EPB41L4A: variants seen among roughly 807,000 people sequenced by gnomAD.
EPB41L4A encodes band 4.1-like protein 4A.
EPB41L4A carries 100 observed loss-of-function variants against 108.6 expected under a neutral mutation model. The observed-to-expected ratio is 0.92, with a 90% CI of 0.78 to 1.09. The LOEUF (loss-of-function observed/expected upper bound fraction) is 1.09. EPB41L4A is among the 50% of genes least tolerant of loss of function. EPB41L4A has a pLI of 0.00. For synonymous variants in EPB41L4A, 319 were observed against 289.0 expected, an observed-to-expected ratio of 1.10 and a Z score of -1.05; for missense variants, 1,030 against 842.7, an observed-to-expected ratio of 1.22 and a Z score of -2.75.
At chr5:112,151,996 T>C (rs113970983) in intron 12 of EPB41L4A, among the ~76,000 whole-genome samples, 16,240 of 152,266 alleles carry the variant, frequency 0.11, 1,026 homozygotes, top group Non-Finnish European at 0.15. Flanking sequence ...CCTTCCAAAG[T>C]GCTGGGATTA....
intron 1 of EPB41L4A, among the ~76,000 whole-genome samples, chr5:112,343,061 G>T (rs986926201): frequency 6.6e-6 from 1 of 152,178 alleles, no homozygotes; most frequent in African/African-American, 2.4e-5. Context: ...AGCATACAAA[G>T]CACAAATAAG....
chr5:112,199,303 G>A (rs995758620), intron 15 of EPB41L4A, among the ~76,000 whole-genome samples: 1 of 152,106 alleles, frequency 6.6e-6, no homozygotes, highest in Non-Finnish European at 1.5e-5. Flanking sequence ...TTTCTGCCTA[G>A]GTAATATAAG....
intron 12 of EPB41L4A, among the ~76,000 whole-genome samples, chr5:112,222,617 A>T (rs960483263): frequency 3.3e-5 from 5 of 152,208 alleles, no homozygotes; most frequent in Non-Finnish European, 5.9e-5. Context: ...TGATTCTCAC[A>T]GTGAGCCAAC....
At chr5:112,185,559 G>A (rs1359610433) in intron 17 of EPB41L4A, among the ~76,000 whole-genome samples, 2 of 152,164 alleles carry the variant, frequency 1.3e-5, no homozygotes, top group African/African-American at 2.4e-5. Flanking sequence ...CATACTCCAA[G>A]CCTTTGAAGT....
intron 3 of EPB41L4A, among the ~76,000 whole-genome samples, chr5:112,277,761 G>C (rs1330705652): frequency 6.6e-6 from 1 of 152,172 alleles, no homozygotes; most frequent in Non-Finnish European, 1.5e-5. Flanking sequence ...AAAGGCTATA[G>C]AAATGAACAT....
chr5:112,236,220 G>A (rs113409400), intron 11 of EPB41L4A, among the ~76,000 whole-genome samples: 3 of 152,046 alleles, frequency 2.0e-5, no homozygotes, highest in Non-Finnish European at 4.4e-5. Flanking sequence ...CATATCCTAA[G>A]ATTAATAAGA....
chr5:112,398,547 C>T (rs1264237963), intron 1 of EPB41L4A, among the ~76,000 whole-genome samples: 1 of 152,142 alleles, frequency 6.6e-6, no homozygotes, highest in African/African-American at 2.4e-5. Context: ...CACCACCACA[C>T]CCGCTAATTT....
At chr5:112,344,673 G>C (rs1480865507) in intron 1 of EPB41L4A, among the ~76,000 whole-genome samples, 1 of 152,220 alleles carries the variant, frequency 6.6e-6, no homozygotes, top group African/African-American at 2.4e-5. Context: ...AGGCTTCTGG[G>C]AGAAGAAATT....
chr5:112,248,132 G>A (rs765832629), intron 9 of EPB41L4A, among the ~76,000 whole-genome samples: 10 of 152,184 alleles, frequency 6.6e-5, no homozygotes, highest in Non-Finnish European at 1.5e-4. Context: ...GTTCCTGGCA[G>A]AGTGATCCAA....
At chr5:112,400,777 T>C (rs1761694694) in intron 1 of EPB41L4A, among the ~76,000 whole-genome samples, 1 of 152,198 alleles carries the variant, frequency 6.6e-6, no homozygotes, top group African/African-American at 2.4e-5. Context: ...ATGTTCATTT[T>C]GTATCCCCCA....
intron 1 of EPB41L4A, among the ~76,000 whole-genome samples, chr5:112,403,537 G>C (rs73214274): frequency 0.096 from 14,532 of 152,134 alleles, 2,258 homozygotes; most frequent in African/African-American, 0.32. Flanking sequence ...GAGTGCAGTG[G>C]AGCTTACTGC....
intron 20 of EPB41L4A, 115 bp downstream of exon 20, chr5:112,170,186 T>G (rs1016556497): frequency 2.0e-6 from 2 of 1,001,074 alleles, no homozygotes; most frequent in African/African-American, 1.7e-5. Flanking sequence ...CACCTAGTTT[T>G]GTTTAAAATG....
chr5:112,298,229 T>A (rs759519085), intron 2 of EPB41L4A, among the ~76,000 whole-genome samples: 20 of 152,144 alleles, frequency 1.3e-4, no homozygotes, highest in Non-Finnish European at 2.6e-4. Context: ...GTATGGTCAT[T>A]TTCACATTAT....
At chr5:112,188,396 C>T (rs895864996) in intron 17 of EPB41L4A, among the ~76,000 whole-genome samples, 2 of 152,106 alleles carry the variant, frequency 1.3e-5, no homozygotes, top group Non-Finnish European at 2.9e-5. Flanking sequence ...TTATTCCTTA[C>T]GTGCCCACTA....
chr5:112,167,136 A>AAC (rs950097271), intron 22 of EPB41L4A, among the ~76,000 whole-genome samples: 7 of 151,832 alleles, frequency 4.6e-5, no homozygotes, highest in African/African-American at 9.7e-5. Context: ...AAAAAAAAAA[A>AAC]AAAACACCGA....
intron 22 of EPB41L4A, among the ~76,000 whole-genome samples, chr5:112,165,660 C>G (rs1205480508): frequency 6.6e-6 from 1 of 152,170 alleles, no homozygotes; most frequent in Non-Finnish European, 1.5e-5. Context: ...GAGAATGACA[C>G]TAACTCACAA....
intron 9 of EPB41L4A, among the ~76,000 whole-genome samples, chr5:112,242,707 A>C (rs962262159): frequency 6.6e-6 from 1 of 152,216 alleles, no homozygotes; most frequent in Admixed American, 6.5e-5. Flanking sequence ...TAGTTTGTAG[A>C]AAGTATTTCT....
At chr5:112,268,513 G>A (rs1752027362) in intron 4 of EPB41L4A, among the ~76,000 whole-genome samples, 1 of 152,230 alleles carries the variant, frequency 6.6e-6, no homozygotes, top group African/African-American at 2.4e-5. Context: ...TTTTCCTGAA[G>A]TGTATTTTTT....
chr5:112,239,763 G>C (rs1749640057), intron 10 of EPB41L4A, 26 bp from the exon 11 acceptor site: 1 of 1,543,214 alleles, frequency 6.5e-7, no homozygotes, highest in South Asian at 1.1e-5. Flanking sequence ...AAGAAAATCA[G>C]ACAAAGACTC....
Sources: allele counts gnomAD v4.1 joint callset (sites outside exome capture counted in the v4.1 genomes callset), GRCh38; gene constraint gnomAD v4.1.1; transcripts MANE v1.5; gene names NCBI Gene and HGNC (gene_info 2026-07-23, HGNC 2026-07-21).